Variants in TMEM59 observed in about 807,000 individuals in gnomAD.
TMEM59 encodes the protein transmembrane protein 59, also known as dendritic cell factor 1.
A neutral mutation model predicts 42.2 loss-of-function variants in TMEM59; 44 were observed. The ratio of observed to expected loss-of-function variants is 1.04; its 90% CI spans 0.82 to 1.34. The LOEUF is 1.34. Among genes scored for constraint, TMEM59 ranks in the 40% most tolerant of loss-of-function variants. TMEM59 has a pLI of 0.00. For synonymous variants in TMEM59, 148 were observed against 145.8 expected (o/e 1.02, Z -0.11); for missense variants, 359 against 382.8 (o/e 0.94, Z 0.52).
At chr1:54,045,497 A>T (rs935710688) in intron 3 of TMEM59, 195 bp downstream of exon 3, 49 of 506,192 alleles carry the variant, frequency 9.7e-5, no homozygotes, top group Non-Finnish European at 1.6e-4. Context: ...GAACGTAAGC[A>T]TAACTTTTAA....
intron 7 of TMEM59, among the ~76,000 whole-genome samples, chr1:54,032,780 T>C (rs1204861385): frequency 6.6e-6 from 1 of 152,200 alleles, no homozygotes; most frequent in Non-Finnish European, 1.5e-5. Context: ...TAATTGTTAA[T>C]ACCATATACA....
chr1:54,037,289 A>G (rs1403962666), intron 6 of TMEM59, among the ~76,000 whole-genome samples: 1 of 152,268 alleles, frequency 6.6e-6, no homozygotes, highest in Admixed American at 6.5e-5. Context: ...ATTACAGCAT[A>G]TCTCAGTAAA....
chr1:54,053,400 G>A (rs1265329797), upstream of TMEM59: 5 of 601,280 alleles, frequency 8.3e-6, no homozygotes, highest in African/African-American at 1.9e-5. Context: ...GTGAGGAGGG[G>A]AATTCAACCA....
intron 1 of TMEM59, among the ~76,000 whole-genome samples, chr1:54,050,215 G>A (rs1208997926): frequency 6.6e-6 from 1 of 150,714 alleles, no homozygotes; most frequent in East Asian, 2.0e-4. Flanking sequence ...AACCTCCACC[G>A]CCCGGGTTCC....
intron 6 of TMEM59, 124 bp from the exon 7 acceptor site, chr1:54,036,842 A>G (rs1656970925): frequency 9.2e-6 from 5 of 541,434 alleles, no homozygotes; most frequent in Non-Finnish European, 1.6e-5. Flanking sequence ...TATCTTTGAA[A>G]CTATTAAAAA....
intron 5 of TMEM59, among the ~76,000 whole-genome samples, chr1:54,041,124 G>T (rs552664491): frequency 6.6e-6 from 1 of 152,288 alleles, no homozygotes; most frequent in Admixed American, 6.5e-5. Flanking sequence ...TAAAGTTAAA[G>T]ATGGTCTTAT....
At chr1:54,041,337 T>A (rs1657130302) in intron 5 of TMEM59, among the ~76,000 whole-genome samples, 1 of 152,238 alleles carries the variant, frequency 6.6e-6, no homozygotes, top group Non-Finnish European at 1.5e-5. Flanking sequence ...GCATTTTTCA[T>A]TATTTGATCA....
At position 54,030,886 on chromosome 1, in the gene TMEM59, C is replaced by G. The variant is rs1425693529; in HGVS notation, c.*1264G>C. 6.6e-6 allele frequency: 1 copy of G among 152,142 alleles called. No homozygotes were observed. The highest frequency in any genetic ancestry group is 1.5e-5 in the Non-Finnish European group (1 of 68,030). The allele number at this position is 152,142 out of a possible 1,614,324, so 9.4% of individuals were successfully genotyped here. On this transcript the variant is annotated 3_prime_UTR_variant, in exon 8 of 8. Coordinates refer to ENST00000234831, the MANE Select transcript of TMEM59 (RefSeq NM_004872.5). ...ACTGATGCAGTTGTCAGCAATGCCC[C>G]TGTGACTGAGGAAAGTATTGTTTTA...
Position 54,029,828 on chromosome 1 carries a change from T to A in TMEM59, c.*2322A>T, listed in dbSNP as rs2100289025. ...CTGTACGTACCCTGACCCTAGACTC[T>A]AGTGTAGAACAAGTAGTTAAGGGAA... On this transcript the variant is annotated 3_prime_UTR_variant, in exon 8 of 8. Coordinates refer to ENST00000234831, the MANE Select transcript of TMEM59 (RefSeq NM_004872.5). The A allele has an allele frequency of 6.6e-6, 1 of 152,268 alleles. No homozygotes were observed. The highest frequency in any genetic ancestry group is 1.9e-4 in the East Asian group (1 of 5,188). The allele number at this position is 152,268 out of a possible 1,614,324, so 9.4% of individuals were successfully genotyped here. A position where few individuals can be genotyped will look rare whatever the true frequency, so the allele number is the denominator to read the frequency against.
At chr1:54,053,397 G>A (rs1657653960), upstream of TMEM59, 5 of 612,054 alleles carry the variant, frequency 8.2e-6, no homozygotes, top group Non-Finnish European at 1.4e-5. Context: ...GGCGTGAGGA[G>A]GGGAATTCAA....
intron 3 of TMEM59, chr1:54,045,491 G>A (rs1479099111): frequency 2.2e-5 from 11 of 493,548 alleles, no homozygotes; most frequent in Middle Eastern, 3.5e-4. Flanking sequence ...GATTATGAAC[G>A]TAAGCATAAC....
At chr1:54,042,086 A>AT (rs1283221265) in intron 4 of TMEM59, among the ~76,000 whole-genome samples, 2 of 149,298 alleles carry the variant, frequency 1.3e-5, no homozygotes, top group East Asian at 1.9e-4. Context: ...GGAGAGAGGG[A>AT]CAAATCATGA....
At position 54,053,111 on chromosome 1, in the gene TMEM59, C is replaced by T; in HGVS notation, c.78G>A (p.Leu26=). The T allele has an allele frequency of 6.2e-7, 1 of 1,614,270 alleles. No homozygotes were observed. Among genetic ancestry groups the T allele is most frequent in the Non-Finnish European group, 8.5e-7 (1 of 1,180,052 alleles). Residue 26 remains leucine (L), a synonymous_variant, in exon 1 of 8, where the codon TTG becomes TTA. Transcript: ENST00000234831. The part of the protein sequence containing the change: ...LPPLLLLTMA[L]AGGSGTASAE... ...CCGAAGCGGTCCCCGAACCTCCGGC[C>T]AAGGCCATGGTCAGCAGCAGCAGCG...
At position 54,032,103 on chromosome 1, in the gene TMEM59, G is replaced by A; in HGVS notation, c.*47C>T. The A allele has an allele frequency of 6.5e-7, 1 of 1,538,668 alleles. No homozygotes were observed. The highest frequency in any genetic ancestry group is 8.8e-7 in the Non-Finnish European group (1 of 1,138,364). ...AACCATTTTAAAAGCTCTATGAGGA[G>A]TGGAATTTTAGATGTCTATTACACT... is the stretch of plus-strand genomic sequence containing the variant. On this transcript the variant is annotated 3_prime_UTR_variant, in exon 8 of 8. Coordinates refer to ENST00000234831, the MANE Select transcript of TMEM59 (RefSeq NM_004872.5).
chr1:54,047,612 C>T, intron 1 of TMEM59: 1 of 413,056 alleles, frequency 2.4e-6, no homozygotes, highest in Non-Finnish European at 4.3e-6. Flanking sequence ...AAACCACCAC[C>T]CTTTTTCCAT....
chr1:54,053,437 C>G (rs950939310), upstream of TMEM59: 6 of 522,804 alleles, frequency 1.1e-5, no homozygotes, highest in Non-Finnish European at 1.7e-5. Flanking sequence ...GAAGCGGGGC[C>G]TCCTGACTTC....
chr1:54,027,349 A>G lies in TMEM59; in HGVS notation c.*4801T>C, dbSNP rs1343316234. ...GTTTCCTTTGCGATCCTTTATATTT[A>G]GTTTTATGCTTTGAAAACATTACTA... On this transcript the variant is annotated 3_prime_UTR_variant, in exon 8 of 8. Coordinates refer to ENST00000234831, the MANE Select transcript of TMEM59 (RefSeq NM_004872.5). 3 of 152,244 alleles carry G rather than the reference A, an allele frequency of 2.0e-5. No individual in the cohort carries two copies. Among genetic ancestry groups the G allele is most frequent in the Non-Finnish European group, 4.4e-5 (3 of 68,038 alleles). The allele number at this position is 152,244 out of a possible 1,614,324, so 9.4% of individuals were successfully genotyped here.
rs759133703 is a variant in TMEM59, at chr1:54,032,182, T to A, written c.940A>T (p.Thr314Ser). Residue 314 changes from threonine to serine, a missense_variant, in exon 8 of 8, where the codon ACA (threonine) becomes TCA (serine). Transcript: ENST00000234831. ...EDHEEAGPLP[T>S]KVNLAHSEI is the part of the protein sequence containing the mutation. ...TCAGAATGAGCAAGATTCACTTTTG[T>A]AGGTAGAGGCCCTGCTTCTTCATGA... 1.2e-6 allele frequency: 2 copies of A among 1,611,518 alleles called. No homozygotes were observed. The highest frequency in any genetic ancestry group is 2.7e-5 in the African/African-American group (2 of 74,826).
chr1:54,050,555 T>G lies in TMEM59; in HGVS notation c.189+2445A>C, dbSNP rs187068270. Reference sequence around the variant, plus strand: ...AGCCAATAGAAATCAGTGACATAATTAAATATGTTTCTTTTTTTTTTTTTT... The same window carrying G: ...AGCCAATAGAAATCAGTGACATAATGAAATATGTTTCTTTTTTTTTTTTTT... On this transcript the variant is annotated intron_variant, in intron 1 of 7. Transcript: ENST00000234831. 2.7e-3 allele frequency among the ~76,000 whole-genome samples: 400 copies of G among 148,658 alleles called. 5 individuals are homozygous for G. The highest frequency in any genetic ancestry group is 3.2e-3 in the Non-Finnish European group (218 of 67,848).
Sources: allele counts gnomAD v4.1 joint callset (sites outside exome capture counted in the v4.1 genomes callset), GRCh38; gene constraint gnomAD v4.1.1; transcripts MANE v1.5; gene names NCBI Gene and HGNC (gene_info 2026-07-23, HGNC 2026-07-21).